Variants in KCNMA1 observed in about 807,000 individuals in gnomAD.
KCNMA1 encodes the protein Calcium-activated potassium channel subunit alpha-1.
KCNMA1 carries 29 observed loss-of-function variants against 140.0 expected under a neutral mutation model. The observed-to-expected ratio is 0.21, with a 90% CI of 0.15 to 0.28. The LOEUF is 0.28. Among genes scored for constraint, KCNMA1 ranks in the 10% least tolerant of loss-of-function variants. KCNMA1 has a pLI of 1.00. For missense variants in KCNMA1, 880 were observed against 1,602.2 expected (o/e 0.55, Z 7.70); for synonymous variants, 612 against 611.9 (o/e 1.00, Z 0.00).
In KCNMA1 at chr10:77,122,960, C is replaced by T. The variant is rs1046088984; in HGVS notation, c.809-1912G>A. On this transcript the variant is annotated intron_variant, in intron 5 of 27. Transcript: ENST00000286628. ...TTGGGAGGCCGAGGCGGGAGGATCA[C>T]GAGGTCAGGAGATCGAGACCATCCT... 5.9e-5 allele frequency among the ~76,000 whole-genome samples: 9 copies of T among 151,662 alleles called. No individual in the cohort carries two copies. The South Asian group carries it at 1.9e-3, about 32-fold the overall frequency.
intron 19 of KCNMA1, among the ~76,000 whole-genome samples, chr10:76,990,652 T>C (rs999634149): frequency 7.9e-5 from 12 of 152,200 alleles, no homozygotes; most frequent in Admixed American, 5.9e-4. Context: ...ATCTCTCTTC[T>C]CTGCAGGTCA....
intron 1 of KCNMA1, among the ~76,000 whole-genome samples, chr10:77,611,264 T>C (rs1034997654): frequency 6.6e-6 from 1 of 152,256 alleles, no homozygotes; most frequent in Non-Finnish European, 1.5e-5. Context: ...GTGCTAGGAA[T>C]GCTGGTGCAA....
At chr10:77,610,115 C>T (rs1178371850) in intron 1 of KCNMA1, among the ~76,000 whole-genome samples, 1 of 152,230 alleles carries the variant, frequency 6.6e-6, no homozygotes, top group Non-Finnish European at 1.5e-5. Flanking sequence ...CTCACTTTCT[C>T]CTCAGTCCTG....
rs146799927 is a variant in KCNMA1 at position 77,319,731 on chromosome 10, G to A, written c.541-68475C>T. On this transcript the variant is annotated intron_variant, in intron 2 of 27. Transcript: ENST00000286628. ...TGACACTTCTGGATGGAAGCTCTTAGCCAGAGCAGTTCACCACTGCCTCCT... is the reference window on the plus strand; with the variant it reads ...TGACACTTCTGGATGGAAGCTCTTAACCAGAGCAGTTCACCACTGCCTCCT... Among the ~76,000 whole-genome samples the A allele has an allele frequency of 3.2e-3, 491 of 152,312 alleles. 3 individuals carry two copies. Among genetic ancestry groups the A allele is most frequent in the African/African-American group, 0.011 (476 of 41,552 alleles).
chr10:77,407,982 T>G (rs1289370311), intron 1 of KCNMA1, among the ~76,000 whole-genome samples: 1 of 152,102 alleles, frequency 6.6e-6, no homozygotes, highest in Non-Finnish European at 1.5e-5. Flanking sequence ...GAAGTCCCTA[T>G]AAGGCAAGGT....
chr10:77,442,548 G>A (rs2097429821), intron 1 of KCNMA1, among the ~76,000 whole-genome samples: 1 of 152,144 alleles, frequency 6.6e-6, no homozygotes, highest in African/African-American at 2.4e-5. Flanking sequence ...TCATTGCTCA[G>A]TGCCTCAGCT....
At chr10:77,190,763 G>T (rs1174971636) in intron 3 of KCNMA1, among the ~76,000 whole-genome samples, 1 of 152,128 alleles carries the variant, frequency 6.6e-6, no homozygotes, top group African/African-American at 2.4e-5. Flanking sequence ...CTGGGACCCC[G>T]TGTGGGGTGG....
At chr10:77,602,540 T>A (rs1314256239) in intron 1 of KCNMA1, among the ~76,000 whole-genome samples, 1 of 152,194 alleles carries the variant, frequency 6.6e-6, no homozygotes, top group African/African-American at 2.4e-5. Flanking sequence ...GAGTAAATTT[T>A]ATAGCATGTG....
intron 1 of KCNMA1, among the ~76,000 whole-genome samples, chr10:77,622,693 G>A (rs1401312834): frequency 2.0e-5 from 3 of 152,194 alleles, no homozygotes; most frequent in Admixed American, 1.3e-4. Flanking sequence ...TACATCACAG[G>A]ATTGTTTTGA....
rs1055751554 is a variant in KCNMA1, at chr10:77,027,754, C to A, written c.1928+69G>T. On this transcript the variant is annotated intron_variant, in intron 16 of 27. Transcript: ENST00000286628. ...TAATGCACAAGAAAGCAGAAGTGAA[C>A]CGACCGTTCTCAGAACGCACTCTCA... 5 of 1,244,414 alleles carry A rather than the reference C, an allele frequency of 4.0e-6. No individual in the cohort carries two copies. The African/African-American group carries it at 7.4e-5, about 18-fold the overall frequency. 77.1% of individuals were successfully genotyped at this position (1,244,414 alleles called of 1,614,324 possible).
At chr10:77,246,787 C>G (rs1436089) in intron 3 of KCNMA1, among the ~76,000 whole-genome samples, 2 of 152,010 alleles carry the variant, frequency 1.3e-5, no homozygotes, top group African/African-American at 4.8e-5. Context: ...TGGGGAGAGG[C>G]CATTTTCCAA....
At chr10:77,240,147 T>C (rs922674646) in intron 3 of KCNMA1, among the ~76,000 whole-genome samples, 1 of 152,238 alleles carries the variant, frequency 6.6e-6, no homozygotes, top group South Asian at 2.1e-4. Context: ...CTTCCATTTA[T>C]GTCCTGGAAA....
At chr10:77,389,833 G>A (rs2095750352) in intron 2 of KCNMA1, among the ~76,000 whole-genome samples, 1 of 152,160 alleles carries the variant, frequency 6.6e-6, no homozygotes, top group Non-Finnish European at 1.5e-5. Flanking sequence ...AATCATTGGA[G>A]GTGAGTCAAA....
At chr10:76,966,957 T>C (rs1381093327) in intron 20 of KCNMA1, among the ~76,000 whole-genome samples, 1 of 152,164 alleles carries the variant, frequency 6.6e-6, no homozygotes, top group Non-Finnish European at 1.5e-5. Context: ...CACCTAATGA[T>C]CGTGCAGAGT....
intron 2 of KCNMA1, among the ~76,000 whole-genome samples, chr10:77,286,052 T>C (rs1458156207): frequency 6.6e-6 from 1 of 152,200 alleles, no homozygotes; most frequent in Non-Finnish European, 1.5e-5. Flanking sequence ...TCCTTATCTC[T>C]ATCACTCATG....
At chr10:77,249,889 A>G (rs1167783741) in intron 3 of KCNMA1, 2 of 152,180 alleles carry the variant, frequency 1.3e-5, no homozygotes, top group Non-Finnish European at 2.9e-5. Flanking sequence ...GTCTCCTGAC[A>G]GCGTTTAAAG....
rs143475021 is a variant in KCNMA1, at chr10:77,214,726, A to G, written c.603-29810T>C. ...AGACCCTTACCTTCCCTCTGTCTCAACAGTGCTTGGCAATTGGCCACTCCC... is the reference window on the plus strand; with the variant it reads ...AGACCCTTACCTTCCCTCTGTCTCAGCAGTGCTTGGCAATTGGCCACTCCC... On this transcript the variant is annotated intron_variant, in intron 3 of 27. Coordinates refer to ENST00000286628, the MANE Select transcript of KCNMA1 (RefSeq NM_001161352.2). Among the ~76,000 whole-genome samples, 223 of 152,166 alleles carry G rather than the reference A, an allele frequency of 1.5e-3. 1 individual carries two copies. Among genetic ancestry groups the G allele is most frequent in the African/African-American group, 5.2e-3 (214 of 41,512 alleles).
At chr10:77,033,342 G>A (rs1297790742) in intron 15 of KCNMA1, among the ~76,000 whole-genome samples, 1 of 152,050 alleles carries the variant, frequency 6.6e-6, no homozygotes, top group East Asian at 1.9e-4. Context: ...GAAATGTTAA[G>A]ACTCTTTTTC....
chr10:76,905,551 C>T (rs1490601896), intron 25 of KCNMA1, among the ~76,000 whole-genome samples: 17 of 152,196 alleles, frequency 1.1e-4, no homozygotes. Context: ...ACCATAATGG[C>T]CTCCAACTGC....
Sources: allele counts gnomAD v4.1 joint callset (sites outside exome capture counted in the v4.1 genomes callset), GRCh38; gene constraint gnomAD v4.1.1; transcripts MANE v1.5; gene names NCBI Gene and HGNC (gene_info 2026-07-23, HGNC 2026-07-21).